SLC16A7: variants seen among roughly 807,000 people sequenced by gnomAD.
SLC16A7 encodes monocarboxylate transporter 2.
SLC16A7 carries 33 observed loss-of-function variants against 34.9 expected under a neutral mutation model. That is an observed-to-expected ratio of 0.94 (90% CI 0.72 to 1.26). The LOEUF is 1.26. SLC16A7 is among the 50% of genes most tolerant of loss of function. The pLI is 0.00. For missense variants in SLC16A7, 573 were observed against 578.1 expected (o/e 0.99, Z 0.09); for synonymous variants, 201 against 206.6 (o/e 0.97, Z 0.23).
At chr12:59,757,731 TCTC>T (rs1366880656) in intron 3 of SLC16A7, among the ~76,000 whole-genome samples, 3 of 151,842 alleles carry the variant, frequency 2.0e-5, no homozygotes, top group Admixed American at 6.6e-5. Context: ...CAGACCAACT[TCTC>T]CTCTTCCTCC....
At chr12:59,752,902 A>C (rs921583895) in intron 3 of SLC16A7, among the ~76,000 whole-genome samples, 1 of 152,222 alleles carries the variant, frequency 6.6e-6, no homozygotes, top group African/African-American at 2.4e-5. Flanking sequence ...CTAACAGCGG[A>C]TCTCTCGGCA....
rs1879804595 is a variant in SLC16A7 at position 59,753,134 on chromosome 12, C to T, written c.218-18085C>T. ...TAAACCTGGAAAGGAACAACCAGTA[C>T]CAGCCACTGCAAAATCATGCCAAAT... On this transcript the variant is annotated intron_variant, in intron 3 of 5. Coordinates refer to ENST00000547379, the MANE Select transcript of SLC16A7 (RefSeq NM_001270623.2). 2.0e-5 allele frequency among the ~76,000 whole-genome samples: 3 copies of T among 152,318 alleles called. No individual in the cohort carries two copies. In the South Asian group the frequency reaches 6.2e-4, roughly 32 times the overall value.
chr12:59,704,730 G>A (rs1192161395), intron 2 of SLC16A7, 42 bp from the exon 3 acceptor site: 1 of 1,017,064 alleles, frequency 9.8e-7, no homozygotes, highest in Non-Finnish European at 1.5e-6. Context: ...TAAACAAAAG[G>A]GGAAATAAAA....
At position 59,774,757 on chromosome 12, in the gene SLC16A7, T is replaced by C; in HGVS notation, c.462T>C (p.Ser154=). Residue 154 remains serine, a synonymous_variant, in exon 5 of 6, where the codon AGT becomes AGC. Coordinates refer to ENST00000547379, the MANE Select transcript of SLC16A7 (RefSeq NM_001270623.2). ...CAAATGGATTGGCCATGGCAGGAAG[T>C]CCTGTTTTCTTAAGTTCATTGGCTC... ...PMANGLAMAG[S]PVFLSSLAPF... is the part of the protein sequence containing the mutation. The C allele has an allele frequency of 6.2e-7, 1 of 1,613,812 alleles. No homozygotes were observed. Among genetic ancestry groups the C allele is most frequent in the Non-Finnish European group, 8.5e-7 (1 of 1,179,852 alleles).
At chr12:59,758,161 A>G (rs1880606118) in intron 3 of SLC16A7, among the ~76,000 whole-genome samples, 1 of 152,090 alleles carries the variant, frequency 6.6e-6, no homozygotes, top group South Asian at 2.1e-4. Context: ...TTATTTGTCA[A>G]TTAACAAAAA....
intron 3 of SLC16A7, among the ~76,000 whole-genome samples, chr12:59,749,181 G>C (rs1171978277): frequency 6.6e-6 from 1 of 152,184 alleles, no homozygotes; most frequent in Non-Finnish European, 1.5e-5. Context: ...CAGGCTAACT[G>C]TACTGTTTTG....
intron 4 of SLC16A7, among the ~76,000 whole-genome samples, chr12:59,773,695 G>T (rs1857430929): frequency 1.3e-5 from 2 of 151,928 alleles, no homozygotes; most frequent in Non-Finnish European, 2.9e-5. Flanking sequence ...CTACCAAGTA[G>T]CTGGGATTAC....
rs183657731 is a variant in SLC16A7 at position 59,600,101 on chromosome 12, A to T, written c.-130+3865A>T. ...CTTCATGTGTAAAAATAGAATAGTAACCAATTTTGTATATTGGTTGTAAAC... is the reference window on the plus strand; with the variant it reads ...CTTCATGTGTAAAAATAGAATAGTATCCAATTTTGTATATTGGTTGTAAAC... On this transcript the variant is annotated intron_variant, in intron 1 of 5. Transcript: ENST00000547379. Among the ~76,000 whole-genome samples the T allele has an allele frequency of 4.3e-4, 65 of 152,332 alleles. 1 individual carries two copies. Among genetic ancestry groups the T allele is most frequent in the African/African-American group, 1.5e-3 (63 of 41,576 alleles).
At chr12:59,753,013 T>A (rs950590225) in intron 3 of SLC16A7, among the ~76,000 whole-genome samples, 1 of 152,112 alleles carries the variant, frequency 6.6e-6, no homozygotes, top group Non-Finnish European at 1.5e-5. Flanking sequence ...CTGAGCTTCA[T>A]AAGTGAAAGA....
In SLC16A7 at chr12:59,787,765, G is replaced by A. The variant is rs1883724227; in HGVS notation, c.*8086G>A. 1 of 152,178 alleles carries A rather than the reference G, an allele frequency of 6.6e-6. No homozygotes were observed. Among genetic ancestry groups the A allele is most frequent in the South Asian group, 2.1e-4 (1 of 4,828 alleles). The allele number at this position is 152,178 out of a possible 1,614,324, so 9.4% of individuals were successfully genotyped here. ...TAAAAACATCTGTAGTACGTGATGT[G>A]TTTGGTTAGATTCAGCCAAACCGAC... is the stretch of plus-strand genomic sequence containing the variant. On this transcript the variant is annotated 3_prime_UTR_variant, in exon 6 of 6. Transcript: ENST00000547379.
At chr12:59,774,226 G>A (rs963241385) in intron 4 of SLC16A7, among the ~76,000 whole-genome samples, 7 of 152,092 alleles carry the variant, frequency 4.6e-5, no homozygotes, top group Admixed American at 6.6e-5. Flanking sequence ...CTTCAATGCC[G>A]AAAGGAAAGT....
intron 2 of SLC16A7, among the ~76,000 whole-genome samples, chr12:59,657,116 C>T (rs1440956910): frequency 6.6e-6 from 1 of 151,938 alleles, no homozygotes; most frequent in Non-Finnish European, 1.5e-5. Context: ...AATTATTCCT[C>T]AAATACTGTA....
chr12:59,619,429 C>CA (rs1230598356), intron 1 of SLC16A7, among the ~76,000 whole-genome samples: 1 of 152,026 alleles, frequency 6.6e-6, no homozygotes, highest in African/African-American at 2.4e-5. Flanking sequence ...AGAAGCAGAA[C>CA]ATTTTTCCTC....
intron 2 of SLC16A7, among the ~76,000 whole-genome samples, 184 bp from the exon 3 acceptor site, chr12:59,704,588 T>C (rs368313005): frequency 6.6e-6 from 1 of 152,184 alleles, no homozygotes; most frequent in Non-Finnish European, 1.5e-5. Context: ...TAATCAAAGG[T>C]ATATAACTTG....
chr12:59,602,056 G>T (rs1262623950), intron 1 of SLC16A7, among the ~76,000 whole-genome samples: 1 of 152,134 alleles, frequency 6.6e-6, no homozygotes, highest in Non-Finnish European at 1.5e-5. Flanking sequence ...GTGGAATGGT[G>T]ATCCATATGG....
chr12:59,713,332 T>G (rs573357701), intron 3 of SLC16A7, among the ~76,000 whole-genome samples: 9 of 152,248 alleles, frequency 5.9e-5, no homozygotes, highest in South Asian at 4.1e-4. Flanking sequence ...ATGTTTCCTT[T>G]AAAAGAAGGA....
chr12:59,689,205 A>G (rs906028857), intron 2 of SLC16A7: 12 of 152,032 alleles, frequency 7.9e-5, no homozygotes, highest in Non-Finnish European at 1.6e-4. Flanking sequence ...AATATATGCA[A>G]CCGCTTCTCA....
chr12:59,659,199 C>G (rs1868697123), intron 2 of SLC16A7, among the ~76,000 whole-genome samples: 1 of 151,962 alleles, frequency 6.6e-6, no homozygotes, highest in African/African-American at 2.4e-5. Context: ...TTTTAAAATG[C>G]ATGTGCACGC....
intron 3 of SLC16A7, among the ~76,000 whole-genome samples, chr12:59,760,432 T>C (rs1880884706): frequency 6.6e-6 from 1 of 152,058 alleles, no homozygotes; most frequent in African/African-American, 2.4e-5. Flanking sequence ...TCCTTATCTG[T>C]GGGAGATATG....
Sources: allele counts gnomAD v4.1 joint callset (sites outside exome capture counted in the v4.1 genomes callset), GRCh38; gene constraint gnomAD v4.1.1; transcripts MANE v1.5; gene names NCBI Gene and HGNC (gene_info 2026-07-23, HGNC 2026-07-21).